Variants in MTDH observed in about 807,000 individuals in gnomAD.
MTDH encodes protein LYRIC.
In MTDH, 34 loss-of-function variants were observed where a neutral mutation model predicts 72.7. That is an observed-to-expected ratio of 0.47 (90% CI 0.36 to 0.62). The LOEUF (loss-of-function observed/expected upper bound fraction) is 0.62. Among genes scored for constraint, MTDH ranks in the 20% least tolerant of loss-of-function variants. The pLI is 0.00. For synonymous variants in MTDH, 266 were observed against 268.9 expected, an observed-to-expected ratio of 0.99 and a Z score of 0.10; for missense variants, 677 against 699.4, an observed-to-expected ratio of 0.97 and a Z score of 0.36.
At chr8:97,677,148 A>T (rs1437228773) in intron 2 of MTDH, among the ~76,000 whole-genome samples, 2 of 137,342 alleles carry the variant, frequency 1.5e-5, no homozygotes, top group Non-Finnish European at 3.1e-5. Context: ...ACACCACTGC[A>T]CTCCAGCCTG....
At chr8:97,663,408 T>C (rs1342786330) in intron 2 of MTDH, among the ~76,000 whole-genome samples, 1 of 152,114 alleles carries the variant, frequency 6.6e-6, no homozygotes, top group African/African-American at 2.4e-5. Flanking sequence ...TACTTACATA[T>C]CTAGTAGGGA....
intron 2 of MTDH, among the ~76,000 whole-genome samples, chr8:97,675,722 A>AT (rs1812815159): frequency 6.6e-6 from 1 of 151,302 alleles, no homozygotes; most frequent in Non-Finnish European, 1.5e-5. Flanking sequence ...AAATACAAAA[A>AT]TTAGCCTGGT....
chr8:97,659,070 G>C (rs1422817169), intron 1 of MTDH, among the ~76,000 whole-genome samples: 4 of 152,004 alleles, frequency 2.6e-5, no homozygotes, highest in Non-Finnish European at 5.9e-5. Context: ...TTGAATCCAG[G>C]AGGCAGAGCT....
At chr8:97,664,245 A>C (rs1242619793) in intron 2 of MTDH, among the ~76,000 whole-genome samples, 1 of 151,760 alleles carries the variant, frequency 6.6e-6, no homozygotes, top group Admixed American at 6.6e-5. Context: ...AGTCCCAGCT[A>C]CTCGGGAGAC....
chr8:97,657,956 A>G (rs1812042281), intron 1 of MTDH, among the ~76,000 whole-genome samples: 1 of 152,320 alleles, frequency 6.6e-6, no homozygotes, highest in South Asian at 2.1e-4. Context: ...AAGTATGATT[A>G]GTGATTTTCC....
chr8:97,654,338 A>G lies in MTDH; in HGVS notation c.382-6734A>G, dbSNP rs1035073303. Among the ~76,000 whole-genome samples the G allele has an allele frequency of 2.7e-4, 41 of 152,238 alleles. 1 individual carries two copies. The highest frequency in any genetic ancestry group is 8.9e-4 in the African/African-American group (37 of 41,474). ...GCAGGGGAAAATGTTTTTACTTTCA[A>G]ACAAACTGACAAGAAATTGTTCCAT... On this transcript the variant is annotated intron_variant, in intron 1 of 11. Transcript: ENST00000336273.
At chr8:97,671,176 A>G (rs1014790354) in intron 2 of MTDH, among the ~76,000 whole-genome samples, 2 of 152,072 alleles carry the variant, frequency 1.3e-5, no homozygotes, top group Admixed American at 1.3e-4. Context: ...CTTGTTGGCC[A>G]GGCTGGTCTT....
At chr8:97,706,441 C>A in intron 7 of MTDH, 185 bp from the exon 8 acceptor site, 1 of 414,182 alleles carries the variant, frequency 2.4e-6, no homozygotes, top group South Asian at 5.9e-5. Context: ...ATATGATATG[C>A]TTAGCAGAAA....
intron 2 of MTDH, among the ~76,000 whole-genome samples, chr8:97,684,456 T>C (rs1813277843): frequency 6.6e-6 from 1 of 152,216 alleles, no homozygotes; most frequent in Non-Finnish European, 1.5e-5. Context: ...TGCCTGTTTT[T>C]GTAAATAAAA....
rs149027934 is a variant in MTDH, at chr8:97,683,343, G to A, written c.484-3325G>A. Among the ~76,000 whole-genome samples the A allele has an allele frequency of 1.6e-3, 249 of 151,888 alleles. 1 individual carries two copies. Among genetic ancestry groups the A allele is most frequent in the African/African-American group, 5.8e-3 (241 of 41,476 alleles). Reference sequence around the variant, plus strand: ...CTCCCAAAGTGCTGGGGTTACAGGCGTGAGCCACCACGCCCAGCCTCTTAG... The same window carrying A: ...CTCCCAAAGTGCTGGGGTTACAGGCATGAGCCACCACGCCCAGCCTCTTAG... On this transcript the variant is annotated intron_variant, in intron 2 of 11. Transcript: ENST00000336273.
chr8:97,647,247 A>G lies in MTDH; in HGVS notation c.381+2360A>G, dbSNP rs182026333. Among the ~76,000 whole-genome samples, 506 of 152,330 alleles carry G rather than the reference A, an allele frequency of 3.3e-3. 2 individuals carry two copies. Among genetic ancestry groups the G allele is most frequent in the Non-Finnish European group, 3.6e-3 (248 of 68,022 alleles). On this transcript the variant is annotated intron_variant, in intron 1 of 11. Coordinates refer to ENST00000336273, the MANE Select transcript of MTDH (RefSeq NM_178812.4). ...AGGGAGCTTTTTGTTTCAGTCGTGGAAAAAGATATACTTAAGAAATTAATG... is the reference window on the plus strand; with the variant it reads ...AGGGAGCTTTTTGTTTCAGTCGTGGGAAAAGATATACTTAAGAAATTAATG...
At chr8:97,714,712 T>C (rs907650393) in intron 9 of MTDH, among the ~76,000 whole-genome samples, 5 of 152,236 alleles carry the variant, frequency 3.3e-5, no homozygotes, top group African/African-American at 7.2e-5. Context: ...TTAAAATATT[T>C]GTATTCCTTA....
intron 2 of MTDH, among the ~76,000 whole-genome samples, chr8:97,676,512 CCAACATGTA>C (rs2130970855): frequency 6.6e-6 from 1 of 152,286 alleles, no homozygotes; most frequent in South Asian, 2.1e-4. Context: ...ACTCTTGCTG[CCAACATGTA>C]CTTTTTGCCA....
At chr8:97,722,854 C>T in intron 10 of MTDH, 25 bp from the exon 11 acceptor site, 1 of 1,575,476 alleles carries the variant, frequency 6.3e-7, no homozygotes, top group Non-Finnish European at 8.6e-7. Flanking sequence ...ACCAAAAAAC[C>T]TGAGATGATT....
intron 6 of MTDH, among the ~76,000 whole-genome samples, chr8:97,692,663 C>G (rs144759769): frequency 9.9e-5 from 15 of 152,096 alleles, no homozygotes; most frequent in African/African-American, 3.6e-4. Context: ...CAGGCCACGG[C>G]GCCCAGCCAA....
At chr8:97,699,617 T>C (rs985420322) in intron 6 of MTDH, 137 bp from the exon 7 acceptor site, 1 of 567,530 alleles carries the variant, frequency 1.8e-6, no homozygotes, top group Non-Finnish European at 3.1e-6. Flanking sequence ...AACTTAATTC[T>C]TTTTCTAATG....
chr8:97,725,221 T>C lies in MTDH; in HGVS notation c.*551T>C, dbSNP rs1382624041. 6.6e-6 allele frequency: 1 copy of C among 152,658 alleles called. No homozygotes were observed. The highest frequency in any genetic ancestry group is 1.5e-5 in the Non-Finnish European group (1 of 68,050). The allele number at this position is 152,658 out of a possible 1,614,324, so 9.5% of individuals were successfully genotyped here. A position where few individuals can be genotyped will look rare whatever the true frequency, so the allele number is the denominator to read the frequency against. ...TCATTTATCATTTGTTTAACTAAACTGTCATGGTTTAGTTTACAATTTTTA... is the reference window on the plus strand; with the variant it reads ...TCATTTATCATTTGTTTAACTAAACCGTCATGGTTTAGTTTACAATTTTTA... On this transcript the variant is annotated 3_prime_UTR_variant, in exon 12 of 12. Transcript: ENST00000336273.
chr8:97,689,191 A>G (rs1813485884), intron 5 of MTDH, 88 bp downstream of exon 5: 2 of 653,408 alleles, frequency 3.1e-6, no homozygotes, highest in Non-Finnish European at 5.2e-6. Flanking sequence ...AATGACACAG[A>G]AGGAAAGAAA....
At chr8:97,660,883 T>TTA (rs371936849) in intron 1 of MTDH, among the ~76,000 whole-genome samples, 189 bp from the exon 2 acceptor site, 27,714 of 128,092 alleles carry the variant, frequency 0.22, 2,582 homozygotes, top group East Asian at 0.42. Context: ...CTTATGAATT[T>TTA]TATATATATA....
Sources: gnomAD v4.1 joint callset for allele counts (sites outside exome capture counted in the v4.1 genomes callset) on GRCh38, gnomAD v4.1.1 for gene constraint, MANE v1.5 for transcripts, NCBI Gene and HGNC (gene_info 2026-07-23, HGNC 2026-07-21) for gene names.